Variants in CLSTN1 observed in about 807,000 individuals in gnomAD.
The protein encoded by CLSTN1 is calsyntenin-1.
CLSTN1 carries 28 observed loss-of-function variants against 108.3 expected under a neutral mutation model. The ratio of observed to expected loss-of-function variants is 0.26; its 90% CI spans 0.19 to 0.35. CLSTN1 has a LOEUF of 0.35. CLSTN1 is among the 10% of genes least tolerant of loss of function. The probability of loss-of-function intolerance (pLI) is 1.00; values close to 1 mark genes in which losing one functional copy is unlikely to be tolerated. For missense variants in CLSTN1, 1,157 were observed against 1,302.6 expected (o/e 0.89, Z 1.72); for synonymous variants, 524 against 534.9 (o/e 0.98, Z 0.28).
chr1:9,764,481 AC>A (rs1008745463), intron 2 of CLSTN1, among the ~76,000 whole-genome samples: 1 of 152,012 alleles, frequency 6.6e-6, no homozygotes, highest in African/African-American at 2.4e-5. Context: ...TACTAAAAAT[AC>A]AAAAATTAGC....
At chr1:9,753,616 C>T (rs1385718002) in intron 4 of CLSTN1, among the ~76,000 whole-genome samples, 5 of 151,926 alleles carry the variant, frequency 3.3e-5, no homozygotes, top group African/African-American at 7.3e-5. Flanking sequence ...CTCAGCCTCC[C>T]GAGAAGCAGG....
At chr1:9,740,214 C>T (rs963350867) in intron 10 of CLSTN1, among the ~76,000 whole-genome samples, 1 of 152,124 alleles carries the variant, frequency 6.6e-6, no homozygotes, top group Admixed American at 6.6e-5. Context: ...CACATGCCAA[C>T]ATGCATGGCT....
At chr1:9,815,477 C>T (rs1557728292) in intron 1 of CLSTN1, among the ~76,000 whole-genome samples, 1 of 152,124 alleles carries the variant, frequency 6.6e-6, no homozygotes, top group African/African-American at 2.4e-5. Flanking sequence ...GATGAAATGC[C>T]GGTTTGCACC....
rs145872891 is a variant in CLSTN1 at position 9,800,767 on chromosome 1, G to GA, written c.91+22875dup. 7.3e-3 allele frequency among the ~76,000 whole-genome samples: 1,063 copies of GA among 146,366 alleles called. 13 individuals carry two copies. Among genetic ancestry groups the GA allele is most frequent in the East Asian group, 0.041 (207 of 5,008 alleles). ...AAAATAAAATAAAATAAATAAATAA[G>GA]AAAAAAAAATACAAAAAAAATTGGC... On this transcript the variant is annotated intron_variant, in intron 1 of 18. Coordinates refer to ENST00000377298, the MANE Select transcript of CLSTN1 (RefSeq NM_001009566.3).
Position 9,740,892 on chromosome 1 carries a change from T to C in CLSTN1, c.1519+202A>G, listed in dbSNP as rs1182248058. ...GGTGTGGTCAGTCCTATCACCTTTA[T>C]GGAGCACCTACAGACAGAGCTATGC... On this transcript the variant is annotated intron_variant, in intron 10 of 18. Transcript: ENST00000377298. Among the ~76,000 whole-genome samples the C allele has an allele frequency of 3.3e-5, 5 of 152,144 alleles. No homozygotes were observed. In the South Asian group the frequency reaches 6.2e-4, roughly 19 times the overall value.
chr1:9,744,136 G>C (rs768382011), intron 8 of CLSTN1, 131 bp from the exon 9 acceptor site: 9 of 1,323,226 alleles, frequency 6.8e-6, no homozygotes. Flanking sequence ...GCCAAGGCAG[G>C]GCTTAGAAAC....
At chr1:9,820,873 G>A (rs959848278) in intron 1 of CLSTN1, among the ~76,000 whole-genome samples, 6 of 152,202 alleles carry the variant, frequency 3.9e-5, no homozygotes, top group Non-Finnish European at 4.4e-5. Context: ...AGGATTTAGG[G>A]GTTCAGGAAG....
Position 9,744,196 on chromosome 1 carries a change from C to T in CLSTN1, c.1235-191G>A, listed in dbSNP as rs79922822. 4.3e-3 allele frequency among the ~76,000 whole-genome samples: 660 copies of T among 152,294 alleles called. 12 individuals carry two copies. The highest frequency in any genetic ancestry group is 0.043 in the East Asian group (220 of 5,174). ...GGCGGAGCCTGTGATCACCGTGGACCCCACTGAGCAACAACAGCTAATACC... is the reference window on the plus strand; with the variant it reads ...GGCGGAGCCTGTGATCACCGTGGACTCCACTGAGCAACAACAGCTAATACC... On this transcript the variant is annotated intron_variant, in intron 8 of 18. Transcript: ENST00000377298.
chr1:9,791,908 G>A (rs1365799278), intron 1 of CLSTN1, among the ~76,000 whole-genome samples: 1 of 151,198 alleles, frequency 6.6e-6, no homozygotes, highest in Non-Finnish European at 1.5e-5. Context: ...CAACACTTTG[G>A]GAGGCTGAGG....
intron 2 of CLSTN1, among the ~76,000 whole-genome samples, chr1:9,764,928 G>GT (rs1353069689): frequency 3.3e-5 from 5 of 152,124 alleles, no homozygotes; most frequent in Admixed American, 6.6e-5. Context: ...TTCCTGGGTG[G>GT]TGTCTACATC....
intron 1 of CLSTN1, among the ~76,000 whole-genome samples, chr1:9,806,571 G>GA (rs1211741133): frequency 6.6e-6 from 1 of 151,968 alleles, no homozygotes; most frequent in South Asian, 2.1e-4. Flanking sequence ...TTTGTACAAA[G>GA]AAAAAAATCT....
intron 1 of CLSTN1, among the ~76,000 whole-genome samples, chr1:9,797,278 C>A (rs1654052799): frequency 6.6e-6 from 1 of 151,820 alleles, no homozygotes; most frequent in South Asian, 2.1e-4. Flanking sequence ...GCAGTGAGAC[C>A]CTGTCCAAAA....
At chr1:9,798,545 CAT>C (rs1387163329) in intron 1 of CLSTN1, among the ~76,000 whole-genome samples, 1 of 152,086 alleles carries the variant, frequency 6.6e-6, no homozygotes. Flanking sequence ...TAAGTAAATC[CAT>C]AGAGACAGAA....
chr1:9,805,848 C>G (rs898948431), intron 1 of CLSTN1, among the ~76,000 whole-genome samples: 4 of 108,704 alleles, frequency 3.7e-5, no homozygotes, highest in Non-Finnish European at 5.2e-5. Flanking sequence ...GCCTGGGTTA[C>G]AGAGCAAGAC....
At chr1:9,778,266 A>ACG (rs1653054500) in intron 1 of CLSTN1, among the ~76,000 whole-genome samples, 1 of 150,116 alleles carries the variant, frequency 6.7e-6, no homozygotes, top group South Asian at 2.1e-4. Context: ...ACACACACAC[A>ACG]CACGCAGACT....
chr1:9,804,965 T>C (rs1011915252), intron 1 of CLSTN1, among the ~76,000 whole-genome samples: 2 of 151,758 alleles, frequency 1.3e-5, no homozygotes, highest in African/African-American at 4.8e-5. Flanking sequence ...CTACTAAAAA[T>C]ACAAAACTTA....
chr1:9,763,328 A>G (rs538291759), intron 2 of CLSTN1, among the ~76,000 whole-genome samples: 7 of 152,298 alleles, frequency 4.6e-5, no homozygotes, highest in Admixed American at 1.3e-4. Context: ...CAAGTTCCTC[A>G]CTGACTACAG....
chr1:9,783,294 T>C (rs1389980167), intron 1 of CLSTN1, among the ~76,000 whole-genome samples: 1 of 152,108 alleles, frequency 6.6e-6, no homozygotes, highest in Non-Finnish European at 1.5e-5. Context: ...ATCCACGGTT[T>C]CCAGCCAGGC....
In CLSTN1 at chr1:9,734,689, C is replaced by T. The variant is rs1210959412; in HGVS notation, c.2110+259G>A. Among the ~76,000 whole-genome samples, 2 of 152,060 alleles carry T rather than the reference C, an allele frequency of 1.3e-5. No homozygotes were observed. Among genetic ancestry groups the T allele is most frequent in the Admixed American group, 1.3e-4 (2 of 15,272 alleles). Reference sequence around the variant, plus strand: ...TGCAAGCAGTGTCTCCCGTAAGTGCCCTCAACCCCTCAACCTCAAGCCACA... The same window carrying T: ...TGCAAGCAGTGTCTCCCGTAAGTGCTCTCAACCCCTCAACCTCAAGCCACA... On this transcript the variant is annotated intron_variant, in intron 14 of 18. Transcript: ENST00000377298. The surrounding 1 kb of genome is among the most constrained non-coding windows in gnomAD (Gnocchi z 4.8).
Sources: gnomAD v4.1 joint callset for allele counts (sites outside exome capture counted in the v4.1 genomes callset) on GRCh38, gnomAD v4.1.1 for gene constraint, Gnocchi (gnomAD v3.1) non-coding constraint, MANE v1.5 for transcripts, NCBI Gene and HGNC (gene_info 2026-07-23, HGNC 2026-07-21) for gene names.